The following ALG6 variants were observed in gnomAD, a reference collection of about 807,000 sequenced individuals.
ALG6 encodes ALG6 alpha-1,3-glucosyltransferase.
In ALG6, 46 loss-of-function variants were observed where a neutral mutation model predicts 66.6. The observed-to-expected ratio is 0.69, with a 90% CI of 0.55 to 0.88. The LOEUF is 0.88. Among genes scored for constraint, ALG6 ranks in the 40% least tolerant of loss-of-function variants. ALG6 has a pLI of 0.00. For missense variants in ALG6, 505 were observed against 586.8 expected (o/e 0.86, Z 1.44); for synonymous variants, 185 against 203.7 (o/e 0.91, Z 0.78).
At chr1:63,392,028 T>C (rs993125181) in intron 2 of ALG6, among the ~76,000 whole-genome samples, 12 of 152,150 alleles carry the variant, frequency 7.9e-5, no homozygotes, top group South Asian at 2.1e-4. Flanking sequence ...ACTTTTTTTT[T>C]CCCCAAAGCT....
At chr1:63,374,365 C>T (rs775153190) in intron 2 of ALG6, among the ~76,000 whole-genome samples, 7 of 152,158 alleles carry the variant, frequency 4.6e-5, no homozygotes, top group East Asian at 1.9e-4. Flanking sequence ...CCGTGGCTCA[C>T]GCCTGTAATC....
chr1:63,409,011 C>G (rs1372159782), intron 7 of ALG6, among the ~76,000 whole-genome samples: 1 of 152,182 alleles, frequency 6.6e-6, no homozygotes, highest in East Asian at 1.9e-4. Context: ...AACTCCTGAC[C>G]TCAAGTGATC....
Position 63,371,064 on chromosome 1 carries a change from T to G in ALG6, c.82+5T>G. 1 of 1,587,132 alleles carries G rather than the reference T, an allele frequency of 6.3e-7. No individual in the cohort carries two copies. Among genetic ancestry groups the G allele is most frequent in the Non-Finnish European group, 8.7e-7 (1 of 1,155,828 alleles). On this transcript the variant is annotated splice_donor_5th_base_variant and intron_variant, in intron 2 of 14. Transcript: ENST00000263440. ...TGTCTCTTAATTCTTATTCAGGTAA[T>G]ACATTTTTACTGGTTAAAAAAAAAA...
intron 14 of ALG6, among the ~76,000 whole-genome samples, chr1:63,435,020 C>T (rs1239786163): frequency 2.0e-5 from 3 of 152,104 alleles, no homozygotes; most frequent in Non-Finnish European, 4.4e-5. Context: ...TCAAGTAAGG[C>T]AGTAAGAACT....
chr1:63,412,403 T>A (rs1219902204), intron 9 of ALG6, among the ~76,000 whole-genome samples: 2 of 152,150 alleles, frequency 1.3e-5, no homozygotes, highest in Admixed American at 1.3e-4. Flanking sequence ...CTAGCTCAGG[T>A]GGCATTTTTT....
chr1:63,400,248 T>C lies in ALG6; in HGVS notation c.168-2006T>C, dbSNP rs1305724233. Among the ~76,000 whole-genome samples, 12 of 5,504 alleles carry C rather than the reference T, an allele frequency of 2.2e-3. No individual in the cohort carries two copies. The South Asian group carries it at 0.06, about 28-fold the overall frequency. The allele number at this position is 5,504 out of a possible 152,430, so 3.6% of individuals were successfully genotyped here. A position where few individuals can be genotyped will look rare whatever the true frequency, so the allele number is the denominator to read the frequency against. On this transcript the variant is annotated intron_variant, in intron 3 of 14. Coordinates refer to ENST00000263440, the MANE Select transcript of ALG6 (RefSeq NM_013339.4). ...GTATATATATATATATATATACGTA[T>C]ATATATGTATATATATATACGTATA...
intron 3 of ALG6, among the ~76,000 whole-genome samples, 195 bp downstream of exon 3, chr1:63,396,792 T>A (rs575105044): frequency 6.6e-6 from 1 of 152,310 alleles, no homozygotes; most frequent in Admixed American, 6.5e-5. Flanking sequence ...ATTCATATAC[T>A]TAGTTAGGTG....
chr1:63,399,541 CTTCT>C (rs1644434070), intron 3 of ALG6, among the ~76,000 whole-genome samples: 1 of 152,102 alleles, frequency 6.6e-6, no homozygotes, highest in African/African-American at 2.4e-5. Flanking sequence ...AAATAAACGT[CTTCT>C]TTCTGTTTGT....
intron 3 of ALG6, among the ~76,000 whole-genome samples, chr1:63,401,947 C>CTTT (rs1378967199): frequency 0.017 from 2,585 of 151,966 alleles, 30 homozygotes; most frequent in Non-Finnish European, 0.026. Flanking sequence ...GAGCCTTGCA[C>CTTT]GTAACGAGGC....
intron 12 of ALG6, among the ~76,000 whole-genome samples, chr1:63,427,995 C>T (rs966667511): frequency 2.0e-5 from 3 of 151,084 alleles, no homozygotes; most frequent in Non-Finnish European, 3.0e-5. Context: ...TTTTTAGTAG[C>T]GATGGGGTTT....
chr1:63,391,233 GAC>G (rs1344142126), intron 2 of ALG6, among the ~76,000 whole-genome samples: 2 of 152,128 alleles, frequency 1.3e-5, no homozygotes, highest in African/African-American at 4.8e-5. Flanking sequence ...TGTAACAAAA[GAC>G]AGATTAACAA....
intron 4 of ALG6, 36 bp downstream of exon 4, chr1:63,402,379 T>C: frequency 7.0e-7 from 1 of 1,437,214 alleles, no homozygotes; most frequent in Non-Finnish European, 9.8e-7. Context: ...TCTAAATTTT[T>C]ATGCCCTTGG....
chr1:63,422,135 A>C (rs1570081167), intron 12 of ALG6, among the ~76,000 whole-genome samples: 1 of 55,970 alleles, frequency 1.8e-5, no homozygotes, highest in South Asian at 9.9e-4. Context: ...AAATAAATAT[A>C]TAAATATATA....
chr1:63,437,614 T>C lies in ALG6; in HGVS notation c.*594T>C, dbSNP rs1644692482. On this transcript the variant is annotated 3_prime_UTR_variant, in exon 15 of 15. Transcript: ENST00000263440. ...AATATGCCTTATTACACATGCAAATTTGATTGTTTTAACAAGGCAAATAAA... is the reference window on the plus strand; with the variant it reads ...AATATGCCTTATTACACATGCAAATCTGATTGTTTTAACAAGGCAAATAAA... 1 of 152,222 alleles carries C rather than the reference T, an allele frequency of 6.6e-6. No homozygotes were observed. The highest frequency in any genetic ancestry group is 2.4e-5 in the African/African-American group (1 of 41,444). The allele number at this position is 152,222 out of a possible 1,614,324, so 9.4% of individuals were successfully genotyped here.
chr1:63,411,602 G>A (rs892900842), intron 8 of ALG6, among the ~76,000 whole-genome samples: 3 of 152,132 alleles, frequency 2.0e-5, no homozygotes, highest in Non-Finnish European at 4.4e-5. Context: ...TCACTTTAGA[G>A]CTTACTACAT....
chr1:63,377,967 C>T (rs1421686476), intron 2 of ALG6, among the ~76,000 whole-genome samples: 3 of 152,170 alleles, frequency 2.0e-5, no homozygotes, highest in African/African-American at 7.2e-5. Context: ...GCTCAAACTC[C>T]TGGGCTCAAG....
Position 63,415,947 on chromosome 1 carries a change from A to G in ALG6, c.977A>G (p.Lys326Arg), listed in dbSNP as rs754196789. Residue 326 changes from lysine (K) to arginine (R), a missense_variant, in exon 11 of 15, where the codon AAA becomes AGA. By Grantham distance (26) the Lys-to-Arg change is conservative. Transcript: ENST00000263440. ...LILQPSSKGF[K>R]FTLVSCALSF... ...CTTCAGCCCTCTTCCAAAGGATTCA[A>G]ATTTACACTGGTAAGTTTTTCATTA... 8.1e-6 allele frequency: 13 copies of G among 1,607,234 alleles called. 1 individual carries two copies. In the South Asian group the frequency reaches 1.2e-4, roughly 15 times the overall value.
intron 2 of ALG6, among the ~76,000 whole-genome samples, chr1:63,376,913 T>C (rs968657865): frequency 2.0e-5 from 3 of 152,196 alleles, no homozygotes; most frequent in African/African-American, 7.2e-5. Flanking sequence ...CTCTTTGTAG[T>C]TTTGTCAACT....
At chr1:63,422,462 AAT>A (rs1269357907) in intron 12 of ALG6, among the ~76,000 whole-genome samples, 10 of 123,718 alleles carry the variant, frequency 8.1e-5, no homozygotes, top group African/African-American at 2.6e-4. Context: ...TATAAATATA[AAT>A]ATATATATAA....
Sources: allele counts gnomAD v4.1 joint callset (sites outside exome capture counted in the v4.1 genomes callset), GRCh38; gene constraint gnomAD v4.1.1; transcripts MANE v1.5; gene names NCBI Gene and HGNC (gene_info 2026-07-23, HGNC 2026-07-21).